COL27A1: variants seen among roughly 807,000 people sequenced by gnomAD.
The protein encoded by COL27A1 is collagen alpha-1(XXVII) chain.
In COL27A1, 106 loss-of-function variants were observed where a neutral mutation model predicts 251.3. The observed-to-expected ratio is 0.42, with a 90% CI of 0.36 to 0.50. The LOEUF (loss-of-function observed/expected upper bound fraction) is 0.50, where lower values mean the gene tolerates loss of function less well. Among genes scored for constraint, COL27A1 ranks in the 20% least tolerant of loss-of-function variants. COL27A1 has a pLI of 0.00. For missense variants in COL27A1, 2,325 were observed against 2,522.8 expected (o/e 0.92, Z 1.68); for synonymous variants, 1,000 against 986.3 (o/e 1.01, Z -0.26).
At chr9:114,284,184 C>A (rs1836110588) in intron 40 of COL27A1, among the ~76,000 whole-genome samples, 1 of 152,184 alleles carries the variant, frequency 6.6e-6, no homozygotes, top group Non-Finnish European at 1.5e-5. Context: ...AACCAGGGCT[C>A]AGGAGGATAA....
At chr9:114,215,020 C>T (rs959520903) in intron 12 of COL27A1, among the ~76,000 whole-genome samples, 10 of 152,250 alleles carry the variant, frequency 6.6e-5, no homozygotes, top group African/African-American at 2.4e-4. Flanking sequence ...GCTGGGATGG[C>T]CCTGCAAGGC....
intron 25 of COL27A1, among the ~76,000 whole-genome samples, chr9:114,252,252 C>G: frequency 6.6e-6 from 1 of 152,190 alleles, no homozygotes; most frequent in East Asian, 1.9e-4. Context: ...CAGGGGATGC[C>G]AGGCCTAATA....
In COL27A1 at chr9:114,306,605, G is replaced by A. The variant is rs775230948; in HGVS notation, c.5024G>A (p.Ser1675Asn). The change falls in exon 58 of 61, where the codon AGC (serine) becomes AAC (asparagine). Residue 1675 changes from serine to asparagine, a missense_variant. Ser to Asn is a conservative substitution (Grantham distance 46). Transcript: ENST00000356083. ...TLHYLSNLIQ[S>N]IKTPLGTKEN... is the part of the protein sequence containing the mutation. Reference sequence around the variant, plus strand: ...CACTACCTCAGCAACCTCATCCAGAGCATTAAGACGCCCCTGGGCACCAAA... The same window carrying A: ...CACTACCTCAGCAACCTCATCCAGAACATTAAGACGCCCCTGGGCACCAAA... The A allele has an allele frequency of 7.2e-5, 116 of 1,614,018 alleles. No individual in the cohort carries two copies. The highest frequency in any genetic ancestry group is 4.9e-4 in the Middle Eastern group (3 of 6,084).
intron 38 of COL27A1, 26 bp from the exon 39 acceptor site, chr9:114,282,431 A>C (rs1275263998): frequency 6.2e-7 from 1 of 1,607,906 alleles, no homozygotes; most frequent in African/African-American, 1.3e-5. Context: ...GGGCCTGGTG[A>C]CAGCTTGTCT....
chr9:114,309,648 G>A (rs3736250), intron 60 of COL27A1, among the ~76,000 whole-genome samples, 170 bp downstream of exon 60: 7,700 of 152,142 alleles, frequency 0.051, 341 homozygotes, highest in East Asian at 0.24. Flanking sequence ...TTCTAAAATC[G>A]TTTTTACTCA....
chr9:114,168,981 A>G lies in COL27A1; in HGVS notation c.1426A>G (p.Thr476Ala), dbSNP rs774493198. The G allele has an allele frequency of 1.2e-5, 19 of 1,613,938 alleles. No individual in the cohort carries two copies. The highest frequency in any genetic ancestry group is 1.6e-4 in the Middle Eastern group (1 of 6,084). The change falls in exon 3 of 61, where the codon ACC (threonine) becomes GCC (alanine). Residue 476 changes from threonine to alanine, a missense_variant. Physicochemically the swap from Thr to Ala is moderately conservative, Grantham distance 58 (BLOSUM62 0). Coordinates refer to ENST00000356083, the MANE Select transcript of COL27A1 (RefSeq NM_032888.4). ...TGCCAGTAAGCCGGCCTCTGCCCGC[A>G]CCAGCACCCACAAACCTCCCCCATT... is the stretch of plus-strand genomic sequence containing the variant. ...SHASKPASAR[T>A]STHKPPPFTA... is the part of the protein sequence containing the mutation.
At chr9:114,208,495 G>A (rs984468453) in intron 10 of COL27A1, among the ~76,000 whole-genome samples, 1 of 152,062 alleles carries the variant, frequency 6.6e-6, no homozygotes, top group African/African-American at 2.4e-5. Flanking sequence ...ATACTTCCTC[G>A]GGGTGTGATA....
intron 5 of COL27A1, 53 bp from the exon 6 acceptor site, chr9:114,194,351 A>G: frequency 6.4e-7 from 1 of 1,565,904 alleles, no homozygotes; most frequent in East Asian, 2.2e-5. Context: ...GTGGGGAGGC[A>G]GACATCCTTT....
At chr9:114,212,164 C>T (rs2808794) in intron 12 of COL27A1, among the ~76,000 whole-genome samples, 8,428 of 152,262 alleles carry the variant, frequency 0.055, 792 homozygotes, top group African/African-American at 0.19. Flanking sequence ...CTCTGTGGCC[C>T]GAACAGGCAG....
At chr9:114,169,923 G>A (rs1052312005) in intron 3 of COL27A1, among the ~76,000 whole-genome samples, 4 of 152,216 alleles carry the variant, frequency 2.6e-5, no homozygotes, top group Non-Finnish European at 5.9e-5. Flanking sequence ...GGTCACACAT[G>A]GGGAGCTCTG....
At chr9:114,208,768 CT>C (rs1830148170) in intron 10 of COL27A1, among the ~76,000 whole-genome samples, 1 of 152,004 alleles carries the variant, frequency 6.6e-6, no homozygotes, top group African/African-American at 2.4e-5. Context: ...AAAAATGGCA[CT>C]GGGGATGGGG....
chr9:114,261,772 T>C (rs987370854), intron 28 of COL27A1, among the ~76,000 whole-genome samples: 2 of 152,064 alleles, frequency 1.3e-5, no homozygotes, highest in Non-Finnish European at 2.9e-5. Flanking sequence ...AAAAAATGGA[T>C]GTCCAGCTGA....
At chr9:114,154,186 C>A (rs918717987), upstream of COL27A1, among the ~76,000 whole-genome samples, 1 of 152,002 alleles carries the variant, frequency 6.6e-6, no homozygotes, top group African/African-American at 2.4e-5. This position sits in a 1 kb window ranked among gnomAD's most constrained non-coding sequence, Gnocchi z 5.8. Flanking sequence ...CGGACCGGGT[C>A]GGCGGCGCAG....
chr9:114,237,014 C>A lies in COL27A1; in HGVS notation c.2653C>A (p.Arg885=). Residue 885 remains arginine, a synonymous_variant, in exon 18 of 61, where the codon CGG becomes AGG. Transcript: ENST00000356083. The part of the protein sequence containing the change: ...SQGLPGFPGA[R]GKPGPLGKVG... ...GGGGTTGCCAGGGTTCCCCGGTGCA[C>A]GGGGGAAGCCAGGGCCTCTGGTAAG... 2 of 1,610,498 alleles carry A rather than the reference C, an allele frequency of 1.2e-6. No homozygotes were observed. Among genetic ancestry groups the A allele is most frequent in the East Asian group, 2.2e-5 (1 of 44,744 alleles).
Position 114,155,555 on chromosome 9 carries a change from C to G in COL27A1, c.-396C>G, listed in dbSNP as rs1415532444. 2 of 152,226 alleles carry G rather than the reference C, an allele frequency of 1.3e-5. No homozygotes were observed. Among genetic ancestry groups the G allele is most frequent in the African/African-American group, 2.4e-5 (1 of 41,460 alleles). The allele number at this position is 152,226 out of a possible 1,614,324, so 9.4% of individuals were successfully genotyped here. ...AATCCTTCCTTTTCCTCTCCTCCCC[C>G]AGGCCGGCGGGGAGGCAGCTTCCAC... is the stretch of plus-strand genomic sequence containing the variant. On this transcript the variant is annotated 5_prime_UTR_variant, in exon 1 of 61. Transcript: ENST00000356083. The surrounding 1 kb of genome is among the most constrained non-coding windows in gnomAD (Gnocchi z 5.5).
chr9:114,210,939 G>C (rs199949011), intron 11 of COL27A1, 43 bp from the exon 12 acceptor site: 2 of 1,610,384 alleles, frequency 1.2e-6, no homozygotes, highest in Admixed American at 1.7e-5. Context: ...GGCTGTCCCT[G>C]CTGGCATCCT....
At chr9:114,277,625 T>G (rs1023325202) in intron 37 of COL27A1, among the ~76,000 whole-genome samples, 1 of 152,210 alleles carries the variant, frequency 6.6e-6, no homozygotes, top group Non-Finnish European at 1.5e-5. Flanking sequence ...TAGAGAAGAA[T>G]ACGAGGGCGC....
Position 114,155,796 on chromosome 9 carries a change from G to A in COL27A1, c.-155G>A. ...CCGCGGGGCCCCAGCCGCGCTGCCTGCCTGCTCGGGCGCCCCTGGGCGCGG... is the reference window on the plus strand; with the variant it reads ...CCGCGGGGCCCCAGCCGCGCTGCCTACCTGCTCGGGCGCCCCTGGGCGCGG... On this transcript the variant is annotated 5_prime_UTR_variant, in exon 1 of 61. Transcript: ENST00000356083. This position sits in a 1 kb window ranked among gnomAD's most constrained non-coding sequence, Gnocchi z 5.5. 2.1e-6 allele frequency: 1 copy of A among 470,400 alleles called. No individual in the cohort carries two copies. The highest frequency in any genetic ancestry group is 2.8e-6 in the Non-Finnish European group (1 of 361,056). 29.1% of individuals were successfully genotyped at this position (470,400 alleles called of 1,614,324 possible). A position where few individuals can be genotyped will look rare whatever the true frequency, so the allele number is the denominator to read the frequency against.
chr9:114,254,927 A>G (rs1405151540), intron 27 of COL27A1, among the ~76,000 whole-genome samples: 1 of 152,212 alleles, frequency 6.6e-6, no homozygotes, highest in Non-Finnish European at 1.5e-5. Flanking sequence ...GTGCCAGGCC[A>G]TGCCAGGGGC....
Sources: allele counts gnomAD v4.1 joint callset (sites outside exome capture counted in the v4.1 genomes callset), GRCh38; gene constraint gnomAD v4.1.1; non-coding constraint Gnocchi (gnomAD v3.1); transcripts MANE v1.5; gene names NCBI Gene and HGNC (gene_info 2026-07-23, HGNC 2026-07-21).